Variants in HFM1 observed in about 807,000 individuals in gnomAD.
HFM1 encodes helicase for meiosis 1.
Under a neutral mutation model 192.1 loss-of-function variants are expected in HFM1, and 169 were observed. The ratio of observed to expected loss-of-function variants is 0.88; its 90% CI spans 0.78 to 1.00. The LOEUF (loss-of-function observed/expected upper bound fraction) is 1.00. HFM1 is among the 50% of genes least tolerant of loss of function. The probability of loss-of-function intolerance (pLI) is 0.00; values close to 1 mark genes in which losing one functional copy is unlikely to be tolerated. For synonymous variants in HFM1, 525 were observed against 537.8 expected, an observed-to-expected ratio of 0.98 and a Z score of 0.33; for missense variants, 1,661 against 1,668.0, an observed-to-expected ratio of 1.00 and a Z score of 0.07.
chr1:91,404,152 G>C (rs1231114471), intron 1 of HFM1, among the ~76,000 whole-genome samples: 6 of 152,196 alleles, frequency 3.9e-5, no homozygotes, highest in Admixed American at 3.3e-4. Flanking sequence ...GCCTGGGAAA[G>C]GACCATACAA....
chr1:91,283,296 T>C lies in HFM1; in HGVS notation c.3392-6234A>G, dbSNP rs565230543. The stretch of plus-strand genomic sequence containing the variant: ...TCTGGCTCTATCACCTAGGCAGGAG[T>C]GCAGTGGCACCATCACGGCTCACTG... On this transcript the variant is annotated intron_variant, in intron 30 of 38. Transcript: ENST00000370425. 7.2e-5 allele frequency among the ~76,000 whole-genome samples: 11 copies of C among 152,088 alleles called. No homozygotes were observed. In the South Asian group the frequency reaches 2.3e-3, roughly 32 times the overall value.
intron 23 of HFM1, among the ~76,000 whole-genome samples, chr1:91,322,090 A>G (rs1652205593): frequency 6.6e-6 from 1 of 152,204 alleles, no homozygotes; most frequent in African/African-American, 2.4e-5. Flanking sequence ...AGGATATATG[A>G]ATTTATAGAA....
At chr1:91,369,813 GAGA>G (rs1659913381) in intron 13 of HFM1, among the ~76,000 whole-genome samples, 1 of 152,150 alleles carries the variant, frequency 6.6e-6, no homozygotes, top group African/African-American at 2.4e-5. Context: ...CTGGTTTTTT[GAGA>G]AGATCAACAA....
intron 30 of HFM1, among the ~76,000 whole-genome samples, chr1:91,291,564 C>T (rs1668759083): frequency 6.6e-6 from 1 of 152,176 alleles, no homozygotes; most frequent in African/African-American, 2.4e-5. Flanking sequence ...TAATCAATAG[C>T]TTACCAACGA....
rs1420894493 is a variant in HFM1 at position 91,378,495 on chromosome 1, A to G, written c.1159-15T>C. 6.8e-7 allele frequency: 1 copy of G among 1,469,230 alleles called. No homozygotes were observed. Among genetic ancestry groups the G allele is most frequent in the Non-Finnish European group, 9.5e-7 (1 of 1,052,348 alleles). The allele number at this position is 1,469,230 out of a possible 1,614,324, so 91.0% of individuals were successfully genotyped here. A position where few individuals can be genotyped will look rare whatever the true frequency, so the allele number is the denominator to read the frequency against. ...TCCCATTTTTCCTAGAGAGAAAAAA[A>G]AGCATACAAGTAGTTTAATGTGATA... On this transcript the variant is annotated splice_polypyrimidine_tract_variant and intron_variant, in intron 9 of 38. Coordinates refer to ENST00000370425, the MANE Select transcript of HFM1 (RefSeq NM_001017975.6).
Position 91,349,282 on chromosome 1 carries a change from T to A in HFM1, c.2206+1456A>T, listed in dbSNP as rs1185695839. Among the ~76,000 whole-genome samples, 7 of 17,198 alleles carry A rather than the reference T, an allele frequency of 4.1e-4. No homozygotes were observed. The East Asian group carries it at 0.016, about 40-fold the overall frequency. The allele number at this position is 17,198 out of a possible 152,430, so 11.3% of individuals were successfully genotyped here. A position where few individuals can be genotyped will look rare whatever the true frequency, so the allele number is the denominator to read the frequency against. On this transcript the variant is annotated intron_variant, in intron 18 of 38. Coordinates refer to ENST00000370425, the MANE Select transcript of HFM1 (RefSeq NM_001017975.6). ...CAGTCTGGGCAATCAAGAGAGGCTATCTCAAAAAAAAAAAAAATGCCCAGA... is the reference window on the plus strand; with the variant it reads ...CAGTCTGGGCAATCAAGAGAGGCTAACTCAAAAAAAAAAAAAATGCCCAGA...
chr1:91,328,643 C>T (rs986520343), intron 20 of HFM1: 45 of 1,589,274 alleles, frequency 2.8e-5, no homozygotes, highest in Admixed American at 1.5e-4. Context: ...TTTGAGGGCA[C>T]GCCACCACAG....
intron 13 of HFM1, among the ~76,000 whole-genome samples, chr1:91,356,521 T>G (rs1328747503): frequency 1.3e-5 from 2 of 151,822 alleles, no homozygotes; most frequent in East Asian, 3.9e-4. Flanking sequence ...AGATACTAAA[T>G]AGACAGCCTA....
In HFM1 at chr1:91,323,196, T is replaced by C. The variant is rs1652394899; in HGVS notation, c.2431A>G (p.Thr811Ala). ...AATTCCTTGCAGCCAGCTATCAATG[T>C]AACCTATAACATTTCAGTAGTTGTC... ...SGKETLSDLV[T>A]LIAGCKEFLD... Residue 811 changes from threonine (T) to alanine (A), a missense_variant, in exon 22 of 39, where the codon ACA becomes GCA. Transcript: ENST00000370425. The C allele has an allele frequency of 6.8e-7, 1 of 1,472,522 alleles. No homozygotes were observed. The highest frequency in any genetic ancestry group is 9.4e-7 in the Non-Finnish European group (1 of 1,059,726). The allele number at this position is 1,472,522 out of a possible 1,614,324, so 91.2% of individuals were successfully genotyped here. A position where few individuals can be genotyped will look rare whatever the true frequency, so the allele number is the denominator to read the frequency against.
chr1:91,283,404 C>T (rs1196160775), intron 30 of HFM1, among the ~76,000 whole-genome samples: 1 of 152,060 alleles, frequency 6.6e-6, no homozygotes, highest in African/African-American at 2.4e-5. Context: ...CCACCACACC[C>T]AGCTAATTTT....
In HFM1 at chr1:91,286,950, G is replaced by A. The variant is rs569056339; in HGVS notation, c.3392-9888C>T. Among the ~76,000 whole-genome samples the A allele has an allele frequency of 3.9e-5, 6 of 152,326 alleles. No homozygotes were observed. The East Asian group carries it at 7.7e-4, about 20-fold the overall frequency. On this transcript the variant is annotated intron_variant, in intron 30 of 38. Transcript: ENST00000370425. ...TCCCACCCGAATACTGCGCTTTTCC[G>A]ACGGGCTTAAAAAACGGCGCACCAC...
chr1:91,372,981 A>G (rs1349776204), intron 13 of HFM1, among the ~76,000 whole-genome samples: 1 of 152,044 alleles, frequency 6.6e-6, no homozygotes, highest in Non-Finnish European at 1.5e-5. Flanking sequence ...ACTACTCTAC[A>G]TGCTTCACAC....
chr1:91,276,356 T>C (rs1328646742), intron 32 of HFM1, among the ~76,000 whole-genome samples: 1 of 152,178 alleles, frequency 6.6e-6, no homozygotes. Flanking sequence ...ACAAATTCTA[T>C]GATTGGGAAT....
chr1:91,269,713 C>T (rs756081627), intron 34 of HFM1, among the ~76,000 whole-genome samples: 1 of 152,162 alleles, frequency 6.6e-6, no homozygotes, highest in Non-Finnish European at 1.5e-5. Context: ...TACCACATGA[C>T]AGACAGACTC....
Position 91,375,671 on chromosome 1 carries a change from C to G in HFM1, c.1452G>C (p.Glu484Asp). 6.2e-7 allele frequency: 1 copy of G among 1,613,308 alleles called. No individual in the cohort carries two copies. The highest frequency in any genetic ancestry group is 8.5e-7 in the Non-Finnish European group (1 of 1,179,540). ...TCTGAAGTTTCACTGGTCTATGGCT[C>G]TCATCCATTTTCAGACACACAGCTG... The part of the protein sequence containing the change: ...ERPAVCLKMD[E>D]SHRPVKLQKV... The change falls in exon 12 of 39, where the codon GAG (glutamate) becomes GAC (aspartate). Residue 484 changes from glutamate (E) to aspartate (D), a missense_variant. Coordinates refer to ENST00000370425, the MANE Select transcript of HFM1 (RefSeq NM_001017975.6).
At chr1:91,404,746 G>A (rs1353824672) in intron 1 of HFM1, 52 bp downstream of exon 1, 3 of 419,770 alleles carry the variant, frequency 7.1e-6, no homozygotes, top group South Asian at 4.9e-5. Flanking sequence ...CCCCGCGGGC[G>A]TCGGGCCCCC....
intron 6 of HFM1, among the ~76,000 whole-genome samples, chr1:91,382,945 C>T (rs560612652): frequency 1.3e-5 from 2 of 152,066 alleles, no homozygotes; most frequent in South Asian, 2.1e-4. Context: ...TCTGAGAAAA[C>T]GTCTATTGCC....
At chr1:91,380,018 G>A in intron 8 of HFM1, 86 bp downstream of exon 8, 2 of 580,172 alleles carry the variant, frequency 3.4e-6, no homozygotes, top group Non-Finnish European at 5.5e-6. Context: ...TAATTCCTGA[G>A]GCCAGAAACT....
intron 11 of HFM1, 131 bp downstream of exon 11, chr1:91,377,894 C>A: frequency 1.2e-6 from 1 of 826,768 alleles, no homozygotes; most frequent in Non-Finnish European, 2.0e-6. Flanking sequence ...TGAGATCTAG[C>A]CACAACTTTC....
Sources: gnomAD v4.1 joint callset for allele counts (sites outside exome capture counted in the v4.1 genomes callset) on GRCh38, gnomAD v4.1.1 for gene constraint, MANE v1.5 for transcripts, NCBI Gene and HGNC (gene_info 2026-07-23, HGNC 2026-07-21) for gene names.